ATP8B4: variants seen among roughly 807,000 people sequenced by gnomAD.
The protein encoded by ATP8B4 is probable phospholipid-transporting ATPase IM.
A neutral mutation model predicts 145.6 loss-of-function variants in ATP8B4; 133 were observed. The observed-to-expected ratio is 0.91, with a 90% CI of 0.79 to 1.05. ATP8B4 has a LOEUF of 1.05. ATP8B4 is among the 50% of genes least tolerant of loss of function. The pLI is 0.00. For missense variants in ATP8B4, 1,458 were observed against 1,425.2 expected (o/e 1.02, Z -0.37); for synonymous variants, 507 against 492.9 (o/e 1.03, Z -0.38).
At chr15:49,900,777 G>A (rs189073288) in intron 21 of ATP8B4, among the ~76,000 whole-genome samples, 86 of 152,244 alleles carry the variant, frequency 5.6e-4, no homozygotes, top group Non-Finnish European at 4.0e-4. Flanking sequence ...GTAACAGTGA[G>A]CCGTAACACT....
At chr15:50,085,995 T>TCA (rs2054984482) in intron 2 of ATP8B4, among the ~76,000 whole-genome samples, 1 of 91,192 alleles carries the variant, frequency 1.1e-5, no homozygotes, top group Non-Finnish European at 1.9e-5. Context: ...ATCATATATA[T>TCA]TTATTATATA....
chr15:50,077,069 G>C (rs1459614437), intron 2 of ATP8B4, among the ~76,000 whole-genome samples: 1 of 152,136 alleles, frequency 6.6e-6, no homozygotes, highest in Non-Finnish European at 1.5e-5. Context: ...GGCATCATGG[G>C]ATCCTTCCAT....
intron 2 of ATP8B4, among the ~76,000 whole-genome samples, chr15:50,086,219 ATTT>A (rs1567332687): frequency 2.0e-5 from 2 of 102,198 alleles, no homozygotes; most frequent in African/African-American, 4.8e-5. Context: ...AGAGATCTAT[ATTT>A]ATTATATATA....
chr15:50,034,753 G>A (rs1363077757), intron 6 of ATP8B4, among the ~76,000 whole-genome samples: 3 of 152,146 alleles, frequency 2.0e-5, no homozygotes, highest in East Asian at 3.8e-4. Flanking sequence ...CTAATGTGAT[G>A]TCCAGTTTGA....
intron 2 of ATP8B4, among the ~76,000 whole-genome samples, chr15:50,094,530 A>G (rs1324675145): frequency 6.6e-6 from 1 of 150,544 alleles, no homozygotes; most frequent in Non-Finnish European, 1.5e-5. Context: ...ATATATTTGG[A>G]CACATACATA....
chr15:49,909,679 C>T (rs2039020733), intron 20 of ATP8B4, among the ~76,000 whole-genome samples: 1 of 145,100 alleles, frequency 6.9e-6, no homozygotes, highest in African/African-American at 2.6e-5. Flanking sequence ...CAACCACACC[C>T]TAAGCCACTG....
At position 49,916,956 on chromosome 15, in the gene ATP8B4, C is replaced by T. The variant is rs564080405; in HGVS notation, c.2119G>A (p.Val707Met). ...TACCTGAGTTCTTCTCTCACTTCCACAGCATTATTCCCTGCTATCACAAAC... is the reference window on the plus strand; with the variant it reads ...TACCTGAGTTCTTCTCTCACTTCCATAGCATTATTCCCTGCTATCACAAAC... ...DVFVIAGNNA[V>M]EVREELRKAK... Residue 707 changes from valine (V) to methionine (M), a missense_variant, in exon 20 of 28, where the codon GTG (valine) becomes ATG (methionine). Val to Met is a conservative substitution (Grantham distance 21, BLOSUM62 1). Coordinates refer to ENST00000284509, the MANE Select transcript of ATP8B4 (RefSeq NM_024837.4). 7.3e-5 allele frequency: 117 copies of T among 1,613,638 alleles called. 3 individuals are homozygous for T. The South Asian group carries it at 1.2e-3, about 16-fold the overall frequency.
At chr15:49,974,267 G>A (rs1328032483) in intron 12 of ATP8B4, among the ~76,000 whole-genome samples, 3 of 151,798 alleles carry the variant, frequency 2.0e-5, no homozygotes, top group Non-Finnish European at 4.4e-5. Flanking sequence ...ATTTTTAGTA[G>A]AGACGGGGTT....
chr15:50,168,765 G>A (rs2044629340), intron 1 of ATP8B4, among the ~76,000 whole-genome samples: 1 of 152,182 alleles, frequency 6.6e-6, no homozygotes, highest in African/African-American at 2.4e-5. Context: ...CTTGCAGCTG[G>A]TAGGTGGAAA....
At chr15:50,118,961 CA>C (rs2057229297) in intron 1 of ATP8B4, among the ~76,000 whole-genome samples, 161 bp downstream of exon 1, 1 of 152,040 alleles carries the variant, frequency 6.6e-6, no homozygotes, top group Admixed American at 6.6e-5. Context: ...TATTTTTTAG[CA>C]AAAGGGGAAT....
chr15:50,085,963 T>TGA (rs1567331356), intron 2 of ATP8B4, among the ~76,000 whole-genome samples: 1 of 53,802 alleles, frequency 1.9e-5, no homozygotes, highest in African/African-American at 1.1e-4. Context: ...TCATATATAT[T>TGA]TATATATGAT....
At chr15:49,899,603 T>A (rs764326828) in intron 21 of ATP8B4, among the ~76,000 whole-genome samples, 3 of 152,180 alleles carry the variant, frequency 2.0e-5, no homozygotes, top group Non-Finnish European at 4.4e-5. Context: ...AGAAAACAGA[T>A]AATTGTCTGT....
chr15:49,965,731 C>CT (rs1172841230), intron 13 of ATP8B4, among the ~76,000 whole-genome samples: 1 of 152,112 alleles, frequency 6.6e-6, no homozygotes, highest in Non-Finnish European at 1.5e-5. Context: ...AAATGCTGCC[C>CT]TTACTGACAT....
intron 2 of ATP8B4, among the ~76,000 whole-genome samples, 195 bp from the exon 3 acceptor site, chr15:50,074,380 T>A (rs1320423778): frequency 6.6e-6 from 1 of 152,242 alleles, no homozygotes; most frequent in South Asian, 2.1e-4. Flanking sequence ...AAAGCTACAA[T>A]GTTTCTCATT....
At chr15:49,868,379 T>G (rs2033143764) in intron 25 of ATP8B4, among the ~76,000 whole-genome samples, 2 of 152,164 alleles carry the variant, frequency 1.3e-5, no homozygotes, top group Admixed American at 6.5e-5. Context: ...CAGAAAACAT[T>G]AAGCTAAAAA....
intron 6 of ATP8B4, among the ~76,000 whole-genome samples, chr15:50,017,154 G>A (rs1476536488): frequency 1.3e-5 from 2 of 152,248 alleles, no homozygotes; most frequent in East Asian, 3.9e-4. Flanking sequence ...TAAAACTTCT[G>A]GGGAAAACAA....
intron 5 of ATP8B4, among the ~76,000 whole-genome samples, chr15:50,043,411 AT>A (rs572656897): frequency 2.0e-5 from 3 of 151,866 alleles, no homozygotes; most frequent in Non-Finnish European, 2.9e-5. Flanking sequence ...TTATACACAG[AT>A]TTTTTTTCTC....
chr15:49,947,543 C>A (rs541166528), intron 14 of ATP8B4, among the ~76,000 whole-genome samples: 1 of 151,684 alleles, frequency 6.6e-6, no homozygotes, highest in East Asian at 1.9e-4. Flanking sequence ...TTGTTAAAAT[C>A]TCCATATTGC....
chr15:49,967,613 A>C (rs1428547319), intron 13 of ATP8B4, among the ~76,000 whole-genome samples: 1 of 152,218 alleles, frequency 6.6e-6, no homozygotes, highest in African/African-American at 2.4e-5. Flanking sequence ...TCCAAGAAAT[A>C]TGCGACTATG....
Sources: allele counts gnomAD v4.1 joint callset (sites outside exome capture counted in the v4.1 genomes callset), GRCh38; gene constraint gnomAD v4.1.1; transcripts MANE v1.5; gene names NCBI Gene and HGNC (gene_info 2026-07-23, HGNC 2026-07-21).